SPIDR: variants seen among roughly 807,000 people sequenced by gnomAD.
SPIDR encodes DNA repair-scaffolding protein.
In SPIDR, 93 loss-of-function variants were observed where a neutral mutation model predicts 104.6. The ratio of observed to expected loss-of-function variants is 0.89; its 90% CI spans 0.75 to 1.06. The LOEUF (loss-of-function observed/expected upper bound fraction) is 1.06, where lower values mean the gene tolerates loss of function less well. SPIDR is among the 50% of genes least tolerant of loss of function. The pLI is 0.00. For missense variants in SPIDR, 1,154 were observed against 1,111.2 expected, an observed-to-expected ratio of 1.04 and a Z score of -0.55; for synonymous variants, 431 against 416.9, an observed-to-expected ratio of 1.03 and a Z score of -0.41.
chr8:47,577,342 G>A (rs541352284), intron 8 of SPIDR, among the ~76,000 whole-genome samples: 3 of 152,338 alleles, frequency 2.0e-5, no homozygotes, highest in South Asian at 2.1e-4. Flanking sequence ...AAGTGGACAG[G>A]CTCCATAGAA....
At chr8:47,276,004 A>C (rs1173632304) in intron 1 of SPIDR, among the ~76,000 whole-genome samples, 2 of 152,058 alleles carry the variant, frequency 1.3e-5, no homozygotes, top group Non-Finnish European at 2.9e-5. Context: ...CTACAGGAAC[A>C]CGCCACCAGG....
At chr8:47,720,233 G>A (rs1474048217) in intron 16 of SPIDR, among the ~76,000 whole-genome samples, 3 of 152,246 alleles carry the variant, frequency 2.0e-5, no homozygotes, top group African/African-American at 7.2e-5. Context: ...TTGCATGGAT[G>A]TACCACAGTT....
chr8:47,484,001 G>A (rs539117129), intron 8 of SPIDR, among the ~76,000 whole-genome samples: 4 of 151,818 alleles, frequency 2.6e-5, no homozygotes, highest in Admixed American at 2.6e-4. Flanking sequence ...AAAAAATGTC[G>A]ATGCATCTTT....
At chr8:47,464,113 TACACACACACACAC>T (rs113515816) in intron 8 of SPIDR, among the ~76,000 whole-genome samples, 3,002 of 143,462 alleles carry the variant, frequency 0.021, 86 homozygotes, top group African/African-American at 0.066. Context: ...CTAAAGATTA[TACACACACACACAC>T]ACACACACAC....
chr8:47,552,891 G>A (rs2090764592), intron 8 of SPIDR, among the ~76,000 whole-genome samples: 1 of 152,146 alleles, frequency 6.6e-6, no homozygotes. Flanking sequence ...TTTTGCAGTG[G>A]CTGGTACCAG....
intron 16 of SPIDR, among the ~76,000 whole-genome samples, chr8:47,718,190 ACGTGCTTGC>A (rs2082847763): frequency 1.3e-5 from 2 of 152,326 alleles, no homozygotes; most frequent in Admixed American, 6.5e-5. Context: ...TACTAAAGCT[ACGTGCTTGC>A]CTCCATGTGC....
At chr8:47,345,589 C>T (rs2051789123) in intron 5 of SPIDR, among the ~76,000 whole-genome samples, 1 of 152,166 alleles carries the variant, frequency 6.6e-6, no homozygotes, top group Non-Finnish European at 1.5e-5. Flanking sequence ...TTCTTCCTAT[C>T]CATGAGCATG....
chr8:47,366,925 G>C (rs1429473031), intron 5 of SPIDR, among the ~76,000 whole-genome samples: 8 of 152,070 alleles, frequency 5.3e-5, no homozygotes, highest in Admixed American at 5.2e-4. Context: ...TTTTTTCCTT[G>C]TAAATTGTGG....
rs781985363 is a variant in SPIDR, at chr8:47,396,491, C to T, written c.641C>T (p.Ser214Leu). Residue 214 changes from serine to leucine, a missense_variant, in exon 6 of 20, where the codon TCG (serine) becomes TTG (leucine). Ser to Leu is a moderately radical substitution (Grantham distance 145, BLOSUM62 -2). Coordinates refer to ENST00000297423, the MANE Select transcript of SPIDR (RefSeq NM_001080394.4). Reference protein sequence around the residue: ...SPHKYHVQFASDARQIMERLI... With the variant: ...SPHKYHVQFALDARQIMERLI... ...CACAAATACCACGTGCAGTTTGCAT[C>T]GGATGCAAGACAGATTATGGAGAGA... 1.4e-5 allele frequency: 23 copies of T among 1,613,912 alleles called. No individual in the cohort carries two copies. In the African/African-American group the frequency reaches 1.7e-4, roughly 12 times the overall value.
intron 11 of SPIDR, 150 bp downstream of exon 11, chr8:47,674,091 T>C: frequency 3.6e-6 from 3 of 830,792 alleles, no homozygotes; most frequent in Non-Finnish European, 5.4e-6. Flanking sequence ...TTGAGTGGAA[T>C]CTATAAAGTA....
intron 8 of SPIDR, among the ~76,000 whole-genome samples, chr8:47,528,883 A>G (rs1480357965): frequency 6.6e-6 from 1 of 152,202 alleles, no homozygotes; most frequent in East Asian, 1.9e-4. Flanking sequence ...TCAAAAAAAG[A>G]ATTTTTCCAA....
In SPIDR at chr8:47,440,392, T is replaced by C. The variant is rs201125764; in HGVS notation, c.947T>C (p.Met316Thr). 2 of 1,614,122 alleles carry C rather than the reference T, an allele frequency of 1.2e-6. No homozygotes were observed. The highest frequency in any genetic ancestry group is 1.1e-5 in the South Asian group (1 of 91,094). Residue 316 changes from methionine to threonine, a missense_variant, in exon 8 of 20, where the codon ATG becomes ACG. Transcript: ENST00000297423. ...LHEECAMQVAMCEQLLGSPAT... is the reference protein window; with the variant it reads ...LHEECAMQVATCEQLLGSPAT... ...GAGGAATGTGCCATGCAAGTTGCCA[T>C]GTGTGAGCAGTTATTGGGGTCACCA...
intron 8 of SPIDR, among the ~76,000 whole-genome samples, chr8:47,469,419 C>T (rs369032256): frequency 3.2e-4 from 49 of 152,098 alleles, no homozygotes; most frequent in African/African-American, 1.2e-3. Flanking sequence ...CGCAGGCAAG[C>T]ATATGTTTGT....
chr8:47,448,682 G>A (rs1043310712), intron 8 of SPIDR, among the ~76,000 whole-genome samples: 8 of 152,196 alleles, frequency 5.3e-5, no homozygotes, highest in African/African-American at 1.9e-4. Flanking sequence ...TTATGTGTGT[G>A]TGTGTGCTTG....
intron 11 of SPIDR, among the ~76,000 whole-genome samples, chr8:47,689,930 C>A (rs550130966): frequency 6.6e-5 from 10 of 152,294 alleles, no homozygotes; most frequent in Admixed American, 5.9e-4. Flanking sequence ...TAGGACTCAA[C>A]AGTTTCAGTC....
chr8:47,367,980 G>A (rs1170187659), intron 5 of SPIDR, among the ~76,000 whole-genome samples: 5 of 152,086 alleles, frequency 3.3e-5, no homozygotes, highest in African/African-American at 1.2e-4. Context: ...ACCACAGATC[G>A]AGTGGCGTAT....
chr8:47,384,856 G>C (rs1554647258), intron 5 of SPIDR, among the ~76,000 whole-genome samples: 1 of 152,084 alleles, frequency 6.6e-6, no homozygotes, highest in Non-Finnish European at 1.5e-5. Flanking sequence ...TTTATTTCTT[G>C]TTCTGCTCAT....
chr8:47,375,586 C>T (rs1001540913), intron 5 of SPIDR, among the ~76,000 whole-genome samples: 2 of 152,084 alleles, frequency 1.3e-5, no homozygotes, highest in East Asian at 1.9e-4. Flanking sequence ...TTCTAAAGCA[C>T]GGCCTTCAAA....
At chr8:47,507,838 A>G (rs755449732) in intron 8 of SPIDR, among the ~76,000 whole-genome samples, 115 of 152,320 alleles carry the variant, frequency 7.5e-4, no homozygotes, top group Middle Eastern at 3.4e-3. Flanking sequence ...GTTACTTGCT[A>G]TATAGAGTAT....
Sources: allele counts gnomAD v4.1 joint callset (sites outside exome capture counted in the v4.1 genomes callset), GRCh38; gene constraint gnomAD v4.1.1; transcripts MANE v1.5; gene names NCBI Gene and HGNC (gene_info 2026-07-23, HGNC 2026-07-21).